The following CECR2 variants were observed in gnomAD, a reference collection of about 807,000 sequenced individuals.
The protein encoded by CECR2 is CECR2 histone acetyl-lysine reader, also known as chromatin remodeling regulator CECR2.
CECR2 carries 30 observed loss-of-function variants against 154.5 expected under a neutral mutation model. The observed-to-expected ratio is 0.19, with a 90% CI of 0.15 to 0.26. CECR2 has a LOEUF of 0.26. Ranked by LOEUF, CECR2 falls within the 10% of genes least tolerant of loss-of-function variation. The probability of loss-of-function intolerance (pLI) is 1.00; values close to 1 mark genes in which losing one functional copy is unlikely to be tolerated. For synonymous variants in CECR2, 725 were observed against 683.7 expected, an observed-to-expected ratio of 1.06 and a Z score of -0.94; for missense variants, 1,743 against 1,829.3, an observed-to-expected ratio of 0.95 and a Z score of 0.86.
At chr22:17,407,425 A>G (rs1207750790) in intron 1 of CECR2, among the ~76,000 whole-genome samples, 1 of 152,110 alleles carries the variant, frequency 6.6e-6, no homozygotes, top group Non-Finnish European at 1.5e-5. Flanking sequence ...GTGAAACCCC[A>G]TCTCTACTGA....
chr22:17,538,025 C>G (rs1303635850), intron 10 of CECR2, among the ~76,000 whole-genome samples: 1 of 151,682 alleles, frequency 6.6e-6, no homozygotes, highest in Non-Finnish European at 1.5e-5. Context: ...GCTATAAAGC[C>G]TGGGCAACAT....
intron 1 of CECR2, among the ~76,000 whole-genome samples, chr22:17,405,668 T>A (rs2053973466): frequency 6.7e-6 from 1 of 149,022 alleles, no homozygotes. Context: ...AAAAAAAAAT[T>A]TTCAATTGTT....
chr22:17,360,155 T>C (rs1419996235), intron 1 of CECR2: 1 of 152,104 alleles, frequency 6.6e-6, no homozygotes, highest in Non-Finnish European at 1.5e-5. Context: ...TAAGTGGAAA[T>C]AGAAAATCAA....
At chr22:17,390,165 T>TA (rs1447650228) in intron 1 of CECR2, among the ~76,000 whole-genome samples, 7 of 152,172 alleles carry the variant, frequency 4.6e-5, no homozygotes, top group African/African-American at 1.4e-4. Context: ...TCCTTTAAAA[T>TA]AGAGCCGTTT....
chr22:17,493,223 C>CG (rs1478315862), intron 2 of CECR2, among the ~76,000 whole-genome samples: 19 of 152,164 alleles, frequency 1.2e-4, no homozygotes, highest in African/African-American at 4.3e-4. Context: ...CTGCCCATCT[C>CG]GGCCTCCCAA....
intron 1 of CECR2, among the ~76,000 whole-genome samples, chr22:17,461,635 A>T (rs1203395134): frequency 1.3e-5 from 2 of 152,142 alleles, no homozygotes; most frequent in African/African-American, 2.4e-5. Flanking sequence ...AGCCCTTCTC[A>T]TGGGCAAGCC....
At chr22:17,413,306 T>C (rs2054094377) in intron 1 of CECR2, among the ~76,000 whole-genome samples, 1 of 152,210 alleles carries the variant, frequency 6.6e-6, no homozygotes, top group African/African-American at 2.4e-5. Flanking sequence ...CATGACATAC[T>C]CCTTTGCAGG....
chr22:17,471,258 A>G (rs576273380), intron 1 of CECR2, among the ~76,000 whole-genome samples: 5 of 152,250 alleles, frequency 3.3e-5, no homozygotes, highest in Admixed American at 1.3e-4. Context: ...AGATGATTCC[A>G]TCTGGTATCT....
intron 16 of CECR2, among the ~76,000 whole-genome samples, chr22:17,547,468 G>T (rs1204473419): frequency 1.3e-5 from 2 of 152,168 alleles, no homozygotes; most frequent in Non-Finnish European, 2.9e-5. Flanking sequence ...CTGACCTCGT[G>T]ATCTGCCCGC....
intron 9 of CECR2, among the ~76,000 whole-genome samples, chr22:17,533,182 G>A (rs2056385461): frequency 6.6e-6 from 1 of 151,532 alleles, no homozygotes; most frequent in Admixed American, 6.6e-5. Flanking sequence ...TGGACATGTT[G>A]GTGCACTTCT....
intron 1 of CECR2, among the ~76,000 whole-genome samples, chr22:17,411,936 T>A (rs2054073716): frequency 6.6e-6 from 1 of 152,170 alleles, no homozygotes; most frequent in African/African-American, 2.4e-5. Flanking sequence ...GATATGGCCA[T>A]GCTGTCACTT....
intron 2 of CECR2, among the ~76,000 whole-genome samples, chr22:17,486,028 T>C (rs1260194773): frequency 6.6e-6 from 1 of 152,212 alleles, no homozygotes; most frequent in Non-Finnish European, 1.5e-5. Flanking sequence ...AGCGCAGTCT[T>C]GAGTGCTGTG....
chr22:17,432,757 T>C (rs190700936), intron 1 of CECR2, among the ~76,000 whole-genome samples: 324 of 152,296 alleles, frequency 2.1e-3, no homozygotes, highest in African/African-American at 7.4e-3. Flanking sequence ...TACCTCAGCC[T>C]CCTGAGTACC....
Position 17,518,852 on chromosome 22 carries a change from T to G in CECR2, c.955-5266T>G, listed in dbSNP as rs555330655. The G allele has an allele frequency of 1.1e-4, 30 of 264,496 alleles. No individual in the cohort carries two copies. The South Asian group carries it at 1.3e-3, about 12-fold the overall frequency. 16.4% of individuals were successfully genotyped at this position (264,496 alleles called of 1,614,324 possible). On this transcript the variant is annotated intron_variant, in intron 8 of 18. Coordinates refer to ENST00000262608, the MANE Select transcript of CECR2 (RefSeq NM_001290047.2). ...GCTACTGAGAGCTGATGTAGGAGTT[T>G]TTACCTCTCCTTTCTCTTAGTATCC...
At chr22:17,370,051 A>G (rs2063036396) in intron 1 of CECR2, 142 bp downstream of exon 1, 1 of 150,028 alleles carries the variant, frequency 6.7e-6, no homozygotes, top group Admixed American at 6.6e-5. Flanking sequence ...GAGGGCGCAA[A>G]AGGGCAGGAG....
intron 1 of CECR2, among the ~76,000 whole-genome samples, chr22:17,445,643 C>T (rs1053702446): frequency 1.3e-5 from 2 of 151,214 alleles, no homozygotes; most frequent in Admixed American, 1.3e-4. Context: ...GTGGTGCAAT[C>T]TTGGCTGACT....
At chr22:17,432,947 T>C (rs1359002114) in intron 1 of CECR2, among the ~76,000 whole-genome samples, 2 of 152,190 alleles carry the variant, frequency 1.3e-5, no homozygotes, top group Admixed American at 6.5e-5. Context: ...GTCAGATGCT[T>C]TATTGTTACC....
chr22:17,550,572 C>G (rs569743256), intron 17 of CECR2, among the ~76,000 whole-genome samples: 1 of 152,286 alleles, frequency 6.6e-6, no homozygotes, highest in South Asian at 2.1e-4. Context: ...TTCACACATG[C>G]TTGTGTAGTG....
At chr22:17,441,258 CATTAAA>C (rs1456486823) in intron 1 of CECR2, among the ~76,000 whole-genome samples, 17 of 152,118 alleles carry the variant, frequency 1.1e-4, no homozygotes, top group Non-Finnish European at 2.1e-4. Flanking sequence ...CCTATTAACA[CATTAAA>C]ATGATGCGTG....
Sources: gnomAD v4.1 joint callset for allele counts (sites outside exome capture counted in the v4.1 genomes callset) on GRCh38, gnomAD v4.1.1 for gene constraint, MANE v1.5 for transcripts, NCBI Gene and HGNC (gene_info 2026-07-23, HGNC 2026-07-21) for gene names.